Variants in AFDN observed in about 807,000 individuals in gnomAD.
The protein encoded by AFDN is afadin.
A neutral mutation model predicts 216.6 loss-of-function variants in AFDN; 68 were observed. The ratio of observed to expected loss-of-function variants is 0.31; its 90% CI spans 0.26 to 0.38. The LOEUF is 0.38. Ranked by LOEUF, AFDN falls within the 10% of genes least tolerant of loss-of-function variation. The pLI is 1.00. For synonymous variants in AFDN, 868 were observed against 853.7 expected, an observed-to-expected ratio of 1.02 and a Z score of -0.29; for missense variants, 2,136 against 2,342.0, an observed-to-expected ratio of 0.91 and a Z score of 1.82.
At chr6:167,860,045 A>G (rs1783363951) in intron 1 of AFDN, among the ~76,000 whole-genome samples, 1 of 151,158 alleles carries the variant, frequency 6.6e-6, no homozygotes, top group Admixed American at 6.6e-5. Flanking sequence ...GACTGTACTG[A>G]TGAAGTGATC....
chr6:167,828,147 C>G (rs187108889), intron 1 of AFDN, among the ~76,000 whole-genome samples: 1 of 152,262 alleles, frequency 6.6e-6, no homozygotes, highest in Admixed American at 6.5e-5. Context: ...AAAAATTTCA[C>G]TCAATATTTG....
chr6:167,944,903 G>C (rs1204848401), intron 26 of AFDN, among the ~76,000 whole-genome samples: 1 of 152,118 alleles, frequency 6.6e-6, no homozygotes, highest in Non-Finnish European at 1.5e-5. Context: ...GAGTGAATGT[G>C]AAGGCCCAGG....
chr6:167,848,388 C>G (rs1279749635), intron 1 of AFDN, among the ~76,000 whole-genome samples: 8 of 152,076 alleles, frequency 5.3e-5, no homozygotes, highest in East Asian at 1.9e-4. Context: ...CCCTTTCTGC[C>G]TCCCCCAAGA....
chr6:167,946,732 A>T lies in AFDN; in HGVS notation c.3384A>T (p.Lys1128Asn). The change falls in exon 27 of 34, where the codon AAA (lysine) becomes AAT (asparagine). Residue 1128 changes from lysine (K) to asparagine (N), a missense_variant. By Grantham distance (94) the Lys-to-Asn change is moderately conservative. Around this residue, in one of 8 missense-constraint regions of AFDN, gnomAD observed 981 missense variants for 966.0 expected, o/e 1.02. Transcript: ENST00000683244. Reference sequence around the variant, plus strand: ...TTTCAGATCGTCGTGGCTCAGGTAAACCCCGACCAAAGAGTGAAGGCTTTG... The same window carrying T: ...TTTCAGATCGTCGTGGCTCAGGTAATCCCCGACCAAAGAGTGAAGGCTTTG... ...QRISDRRGSG[K>N]PRPKSEGFEL... 6.2e-7 allele frequency: 1 copy of T among 1,614,056 alleles called. No homozygotes were observed. The highest frequency in any genetic ancestry group is 8.5e-7 in the Non-Finnish European group (1 of 1,179,992).
intron 29 of AFDN, among the ~76,000 whole-genome samples, chr6:167,949,333 C>G (rs1795699242): frequency 6.6e-6 from 1 of 152,150 alleles, no homozygotes; most frequent in Non-Finnish European, 1.5e-5. Context: ...AGACAGAATT[C>G]AGAGTTGAGA....
intron 5 of AFDN, among the ~76,000 whole-genome samples, chr6:167,877,080 C>G (rs1785472280): frequency 6.6e-6 from 1 of 152,132 alleles, no homozygotes; most frequent in African/African-American, 2.4e-5. Flanking sequence ...CCTCTGAGCT[C>G]TGTCATTGAC....
intron 1 of AFDN, among the ~76,000 whole-genome samples, chr6:167,844,849 C>CTTTTCT (rs1781463432): frequency 7.8e-6 from 1 of 127,716 alleles, no homozygotes; most frequent in African/African-American, 2.9e-5. Context: ...CTTTTCTTTT[C>CTTTTCT]TTTTTTTTTT....
intron 30 of AFDN, among the ~76,000 whole-genome samples, chr6:167,957,145 T>A (rs553950676): frequency 1.3e-5 from 2 of 151,952 alleles, no homozygotes. Context: ...TGCAGGTGTC[T>A]CTCAGATGCC....
intron 1 of AFDN, among the ~76,000 whole-genome samples, chr6:167,829,793 C>A (rs1422887012): frequency 6.6e-6 from 1 of 151,784 alleles, no homozygotes; most frequent in African/African-American, 2.4e-5. Flanking sequence ...TTTGTGGTTT[C>A]TGTGTTTAGG....
intron 2 of AFDN, among the ~76,000 whole-genome samples, chr6:167,866,197 T>A (rs1207458202): frequency 1.3e-5 from 2 of 151,890 alleles, no homozygotes; most frequent in Non-Finnish European, 2.9e-5. Flanking sequence ...AAGATTGGAG[T>A]TTGAGGTCTA....
At chr6:167,873,578 G>C (rs1440036620) in intron 4 of AFDN, among the ~76,000 whole-genome samples, 1 of 152,136 alleles carries the variant, frequency 6.6e-6, no homozygotes, top group South Asian at 2.1e-4. Flanking sequence ...AAGAATGGTT[G>C]GGTGACAGGG....
chr6:167,969,336 A>G (rs770204718), intron 33 of AFDN, 138 bp downstream of exon 33: 67 of 693,858 alleles, frequency 9.7e-5, no homozygotes, highest in Non-Finnish European at 1.5e-4. Context: ...TAGGAATGCT[A>G]TTGCCCCAAG....
At chr6:167,886,079 T>C (rs1445045891) in intron 6 of AFDN, among the ~76,000 whole-genome samples, 3 of 152,210 alleles carry the variant, frequency 2.0e-5, no homozygotes, top group Admixed American at 1.3e-4. Context: ...CACAAAAATA[T>C]AGTAATCTCA....
At position 167,952,471 on chromosome 6, in the gene AFDN, C is replaced by A. The variant is rs1035835552; in HGVS notation, c.4833+284C>A. On this transcript the variant is annotated intron_variant, in intron 30 of 33. Transcript: ENST00000683244. ...CTCATAATTATCCTTTTCCTTAACA[C>A]TTCCAGTTGAGAAAACAAGTATTTG... The A allele has an allele frequency of 5.1e-6, 5 of 985,250 alleles. No homozygotes were observed. The African/African-American group carries it at 8.7e-5, about 17-fold the overall frequency. The allele number at this position is 985,250 out of a possible 1,614,324, so 61.0% of individuals were successfully genotyped here. A position where few individuals can be genotyped will look rare whatever the true frequency, so the allele number is the denominator to read the frequency against.
chr6:167,900,545 A>G (rs981008661), intron 11 of AFDN, among the ~76,000 whole-genome samples: 7 of 152,248 alleles, frequency 4.6e-5, no homozygotes, highest in African/African-American at 1.7e-4. Context: ...GGTCTTGTCC[A>G]CATATCCAGC....
intron 19 of AFDN, 101 bp downstream of exon 19, chr6:167,915,534 CTT>C: frequency 7.3e-7 from 1 of 1,373,210 alleles, no homozygotes; most frequent in South Asian, 1.5e-5. Context: ...TCAATACCCT[CTT>C]TTTGGGGTTT....
At chr6:167,834,068 A>C (rs1780123632) in intron 1 of AFDN, among the ~76,000 whole-genome samples, 2 of 152,286 alleles carry the variant, frequency 1.3e-5, no homozygotes, top group East Asian at 1.9e-4. Context: ...CACTTTTTAC[A>C]TTAATTTCAT....
chr6:167,899,306 T>C (rs1435690920), intron 11 of AFDN, among the ~76,000 whole-genome samples: 1 of 152,172 alleles, frequency 6.6e-6, no homozygotes, highest in East Asian at 1.9e-4. Context: ...CCCCAGCTGC[T>C]CACCTCACCT....
intron 18 of AFDN, 150 bp downstream of exon 18, chr6:167,914,888 T>C: frequency 1.5e-6 from 1 of 681,162 alleles, no homozygotes; most frequent in East Asian, 2.7e-5. Flanking sequence ...TAACGATTAT[T>C]TGTTTTGTTT....
Sources: allele counts gnomAD v4.1 joint callset (sites outside exome capture counted in the v4.1 genomes callset), GRCh38; gene constraint gnomAD v4.1.1; regional missense constraint gnomAD v4.1.1; transcripts MANE v1.5; gene names NCBI Gene and HGNC (gene_info 2026-07-23, HGNC 2026-07-21).